The following PDCL2 variants were observed in gnomAD, a reference collection of about 807,000 sequenced individuals.
The protein encoded by PDCL2 is phosducin like 2.
PDCL2 carries 23 observed loss-of-function variants against 30.3 expected under a neutral mutation model. That is an observed-to-expected ratio of 0.76 (90% CI 0.55 to 1.08). PDCL2 has a LOEUF of 1.08. Ranked by LOEUF, PDCL2 falls within the 50% of genes least tolerant of loss-of-function variation. The pLI is 0.00. For synonymous variants in PDCL2, 68 were observed against 86.2 expected, an observed-to-expected ratio of 0.79 and a Z score of 1.17; for missense variants, 243 against 282.3, an observed-to-expected ratio of 0.86 and a Z score of 1.00.
At chr4:55,589,002 C>G (rs575480186) in intron 1 of PDCL2, among the ~76,000 whole-genome samples, 1 of 151,914 alleles carries the variant, frequency 6.6e-6, no homozygotes, top group Non-Finnish European at 1.5e-5. Flanking sequence ...GGACCACAGG[C>G]GCCTGCCACC....
intron 4 of PDCL2, among the ~76,000 whole-genome samples, chr4:55,567,880 A>C (rs928220698): frequency 6.6e-6 from 1 of 152,146 alleles, no homozygotes; most frequent in African/African-American, 2.4e-5. Flanking sequence ...AACTCTTTAA[A>C]TTATATTTTG....
At chr4:55,579,363 CTT>C (rs1336115450) in intron 3 of PDCL2, among the ~76,000 whole-genome samples, 2 of 152,164 alleles carry the variant, frequency 1.3e-5, no homozygotes, top group Admixed American at 6.5e-5. Flanking sequence ...GAGTTTCACT[CTT>C]GTTGCCCAGG....
intron 1 of PDCL2, among the ~76,000 whole-genome samples, chr4:55,590,509 T>C (rs1323897188): frequency 6.8e-6 from 1 of 147,682 alleles, no homozygotes; most frequent in East Asian, 2.0e-4. Flanking sequence ...CCCCCCGAGA[T>C]GGAATCTTGC....
chr4:55,587,892 G>A (rs951757067), intron 1 of PDCL2, among the ~76,000 whole-genome samples: 1 of 150,918 alleles, frequency 6.6e-6, no homozygotes, highest in Non-Finnish European at 1.5e-5. Context: ...ATCCTCTGAC[G>A]CAAAAAAATG....
chr4:55,579,202 T>C (rs1268735610), intron 3 of PDCL2, among the ~76,000 whole-genome samples: 1 of 152,112 alleles, frequency 6.6e-6, no homozygotes, highest in African/African-American at 2.4e-5. Flanking sequence ...AGTACTTCCT[T>C]ACCTACTGGC....
chr4:55,586,179 A>G (rs539961170), intron 1 of PDCL2, among the ~76,000 whole-genome samples: 13 of 152,162 alleles, frequency 8.5e-5, no homozygotes, highest in African/African-American at 2.6e-4. Flanking sequence ...TTTTCTCAAT[A>G]TATTTTAAAC....
intron 1 of PDCL2, among the ~76,000 whole-genome samples, chr4:55,588,373 T>C (rs149452690): frequency 6.6e-6 from 1 of 152,294 alleles, no homozygotes; most frequent in East Asian, 1.9e-4. Flanking sequence ...CCAGACTAAA[T>C]TGTGTATTCA....
chr4:55,574,361 T>A (rs1236078167), intron 3 of PDCL2, among the ~76,000 whole-genome samples: 1 of 152,180 alleles, frequency 6.6e-6, no homozygotes, highest in African/African-American at 2.4e-5. Flanking sequence ...TGCAGTTGGA[T>A]TAGGGTCATG....
At chr4:55,582,957 T>C (rs978221399) in intron 1 of PDCL2, among the ~76,000 whole-genome samples, 3 of 152,134 alleles carry the variant, frequency 2.0e-5, no homozygotes, top group African/African-American at 7.2e-5. Flanking sequence ...TATGGCTGCA[T>C]AGTATTCCCT....
chr4:55,573,047 C>T (rs944920953), intron 3 of PDCL2, among the ~76,000 whole-genome samples: 5 of 152,092 alleles, frequency 3.3e-5, no homozygotes, highest in Non-Finnish European at 5.9e-5. Context: ...CATGAGCCAC[C>T]GCGCCCGGCT....
intron 4 of PDCL2, among the ~76,000 whole-genome samples, chr4:55,563,207 C>T (rs1427566380): frequency 6.6e-6 from 1 of 152,190 alleles, no homozygotes; most frequent in East Asian, 1.9e-4. Flanking sequence ...TCATCACACT[C>T]CTTGATCGAT....
intron 2 of PDCL2, 67 bp downstream of exon 2, chr4:55,582,050 G>C: frequency 6.4e-7 from 1 of 1,574,586 alleles, no homozygotes; most frequent in Non-Finnish European, 8.6e-7. Context: ...CTATGTTCAT[G>C]AAATACCTTA....
Position 55,592,095 on chromosome 4 carries a change from G to A in PDCL2, c.6+9C>T. 1 of 1,607,906 alleles carries A rather than the reference G, an allele frequency of 6.2e-7. No homozygotes were observed. Among genetic ancestry groups the A allele is most frequent in the East Asian group, 2.3e-5 (1 of 44,408 alleles). On this transcript the variant is annotated intron_variant, in intron 1 of 5. Coordinates refer to ENST00000295645, the MANE Select transcript of PDCL2 (RefSeq NM_152401.3). ...GTTCCAGGGTGGCTCGGCAGGTCCC[G>A]ACCCTCACCTGCATGATGCGCTGCT...
At chr4:55,566,534 T>C (rs1732274866) in intron 4 of PDCL2, among the ~76,000 whole-genome samples, 1 of 148,148 alleles carries the variant, frequency 6.8e-6, no homozygotes. Flanking sequence ...GCCATTCCCC[T>C]GCTTTAGCCT....
chr4:55,573,068 ACTT>A (rs1560502024), intron 3 of PDCL2, among the ~76,000 whole-genome samples: 1 of 152,012 alleles, frequency 6.6e-6, no homozygotes, highest in East Asian at 1.9e-4. Flanking sequence ...GTGTGTTTCT[ACTT>A]CTTTCCCCAC....
chr4:55,564,144 C>T (rs1343372427), intron 4 of PDCL2, among the ~76,000 whole-genome samples: 1 of 152,260 alleles, frequency 6.6e-6, no homozygotes, highest in South Asian at 2.1e-4. Context: ...AATGAGTCCA[C>T]TAATATCTAA....
chr4:55,558,294 G>A (rs189648303), intron 5 of PDCL2, among the ~76,000 whole-genome samples: 16 of 152,224 alleles, frequency 1.1e-4, no homozygotes, highest in Admixed American at 2.6e-4. Context: ...GTGGGTGGGA[G>A]GTAATTGAAT....
At chr4:55,573,736 G>A (rs1732490298) in intron 3 of PDCL2, among the ~76,000 whole-genome samples, 1 of 151,316 alleles carries the variant, frequency 6.6e-6, no homozygotes, top group South Asian at 2.1e-4. Context: ...GGGCAACAGA[G>A]CAAGACTCTG....
intron 5 of PDCL2, among the ~76,000 whole-genome samples, chr4:55,560,674 C>T (rs1732108679): frequency 6.6e-6 from 1 of 152,162 alleles, no homozygotes; most frequent in Non-Finnish European, 1.5e-5. Context: ...TTGGTAATTA[C>T]TATGGTCTTG....
Sources: gnomAD v4.1 joint callset for allele counts (sites outside exome capture counted in the v4.1 genomes callset) on GRCh38, gnomAD v4.1.1 for gene constraint, MANE v1.5 for transcripts, NCBI Gene and HGNC (gene_info 2026-07-23, HGNC 2026-07-21) for gene names.